Variants in CUL5 observed in about 807,000 individuals in gnomAD.
CUL5 encodes cullin-5.
A neutral mutation model predicts 108.8 loss-of-function variants in CUL5; 26 were observed. The observed-to-expected ratio is 0.24, with a 90% CI of 0.18 to 0.33. The LOEUF (loss-of-function observed/expected upper bound fraction) is 0.33, where lower values mean the gene tolerates loss of function less well. Among genes scored for constraint, CUL5 ranks in the 10% least tolerant of loss-of-function variants. The pLI, the probability that CUL5 is intolerant of heterozygous loss-of-function variation, is 1.00. For synonymous variants in CUL5, 334 were observed against 298.0 expected, an observed-to-expected ratio of 1.12 and a Z score of -1.25; for missense variants, 524 against 909.2, an observed-to-expected ratio of 0.58 and a Z score of 5.45.
intron 8 of CUL5, among the ~76,000 whole-genome samples, chr11:108,070,620 A>G (rs1026381800): frequency 2.7e-4 from 2 of 7,438 alleles, no homozygotes; most frequent in Non-Finnish European, 8.8e-3. Flanking sequence ...AAGATTTCTA[A>G]AGGATTTTTT....
rs1007125453 is a variant in CUL5 at position 108,098,008 on chromosome 11, C to T, written c.2024+254C>T. On this transcript the variant is annotated intron_variant, in intron 17 of 18. Transcript: ENST00000393094. ...TCTTTCAGGTTGATATCTTTTTGTG[C>T]TCTAAAGCAACTTTATTCAGAGAAA... Among the ~76,000 whole-genome samples, 77 of 152,086 alleles carry T rather than the reference C, an allele frequency of 5.1e-4. 3 individuals are homozygous for T. Among genetic ancestry groups the T allele is most frequent in the Non-Finnish European group, 2.9e-5 (2 of 68,002 alleles).
At chr11:108,046,827 A>G (rs138797087) in intron 3 of CUL5, among the ~76,000 whole-genome samples, 1 of 152,340 alleles carries the variant, frequency 6.6e-6, no homozygotes, top group African/African-American at 2.4e-5. Flanking sequence ...GCTGTTATGT[A>G]TAAATCAAAA....
intron 13 of CUL5, among the ~76,000 whole-genome samples, chr11:108,090,186 T>G (rs1244271445): frequency 6.6e-6 from 1 of 151,838 alleles, no homozygotes. Context: ...AAACTGACCT[T>G]ATTAATAAAT....
intron 7 of CUL5, among the ~76,000 whole-genome samples, chr11:108,058,187 C>T (rs182770379): frequency 1.3e-4 from 15 of 112,730 alleles, no homozygotes; most frequent in African/African-American, 3.1e-4. Flanking sequence ...CCAGCCTGGG[C>T]GATAGAGCAA....
chr11:108,080,953 ATTATTTATTTATTTAT>A (rs140725296), intron 11 of CUL5, among the ~76,000 whole-genome samples: 2,859 of 148,812 alleles, frequency 0.019, 53 homozygotes, highest in Non-Finnish European at 0.024. Context: ...AAGATTTATC[ATTATTTATTTATTTAT>A]TTATTTATTT....
chr11:108,009,022 G>A lies in CUL5; in HGVS notation c.-327G>A. 2.5e-6 allele frequency: 1 copy of A among 402,112 alleles called. No individual in the cohort carries two copies. Among genetic ancestry groups the A allele is most frequent in the Non-Finnish European group, 4.5e-6 (1 of 222,234 alleles). The allele number at this position is 402,112 out of a possible 1,614,324, so 24.9% of individuals were successfully genotyped here. ...CCACAAAGGCTAATCCGAAGGAGTC[G>A]GGGAGGCTCGTGGAGTCGATGCTTC... On this transcript the variant is annotated 5_prime_UTR_variant, in exon 1 of 19. Coordinates refer to ENST00000393094, the MANE Select transcript of CUL5 (RefSeq NM_003478.6).
chr11:108,067,273 C>G (rs916672283), intron 7 of CUL5, among the ~76,000 whole-genome samples: 2 of 152,190 alleles, frequency 1.3e-5, no homozygotes, highest in Non-Finnish European at 2.9e-5. Flanking sequence ...TTTAACCTCT[C>G]AAGCTAGAAA....
intron 7 of CUL5, among the ~76,000 whole-genome samples, chr11:108,069,599 T>G (rs1863772441): frequency 6.6e-6 from 1 of 152,164 alleles, no homozygotes; most frequent in Non-Finnish European, 1.5e-5. Flanking sequence ...CTGAGTTATA[T>G]TTAGTTAGCA....
intron 16 of CUL5, among the ~76,000 whole-genome samples, chr11:108,096,853 A>G (rs993420889): frequency 6.6e-6 from 1 of 152,082 alleles, no homozygotes; most frequent in Non-Finnish European, 1.5e-5. Context: ...GGCCTGAGCT[A>G]CTGTGCCTCA....
chr11:108,070,006 TGTTGAACAATA>T, intron 7 of CUL5, 79 bp from the exon 8 acceptor site: 6 of 767,548 alleles, frequency 7.8e-6, no homozygotes, highest in African/African-American at 3.5e-5. Context: ...ATTTTTTTTT[TGTTGAACAATA>T]TTGTTTTATT....
chr11:108,044,573 T>C (rs1182548238), intron 2 of CUL5, among the ~76,000 whole-genome samples: 1 of 151,956 alleles, frequency 6.6e-6, no homozygotes, highest in East Asian at 1.9e-4. Flanking sequence ...GGAGTTGTTT[T>C]ATTTGGATTT....
At chr11:108,084,544 T>A (rs996690196) in intron 11 of CUL5, among the ~76,000 whole-genome samples, 1 of 152,258 alleles carries the variant, frequency 6.6e-6, no homozygotes, top group Non-Finnish European at 1.5e-5. Flanking sequence ...TAGCAAAGGA[T>A]GAACCCATTC....
chr11:108,082,536 C>T (rs181371136), intron 11 of CUL5, among the ~76,000 whole-genome samples: 37 of 152,268 alleles, frequency 2.4e-4, no homozygotes, highest in African/African-American at 8.4e-4. Flanking sequence ...CTTAGCCCCT[C>T]AAAGTGCTAG....
intron 7 of CUL5, among the ~76,000 whole-genome samples, chr11:108,058,532 G>A (rs1863455940): frequency 6.6e-6 from 1 of 151,264 alleles, no homozygotes; most frequent in Non-Finnish European, 1.5e-5. Context: ...ACAGACGTGA[G>A]CCACTGCACC....
intron 1 of CUL5, among the ~76,000 whole-genome samples, chr11:108,010,631 A>G (rs893157555): frequency 1.3e-5 from 2 of 152,244 alleles, no homozygotes; most frequent in African/African-American, 2.4e-5. Context: ...ATTAGTTAAT[A>G]TATCTATAAT....
intron 18 of CUL5, among the ~76,000 whole-genome samples, chr11:108,101,689 ATACTGTGC>A (rs1323844102): frequency 6.6e-6 from 1 of 152,178 alleles, no homozygotes; most frequent in South Asian, 2.1e-4. Context: ...TATTTCCCTC[ATACTGTGC>A]TACTCTTTAA....
intron 1 of CUL5, among the ~76,000 whole-genome samples, chr11:108,026,551 T>C (rs1862455780): frequency 6.6e-6 from 1 of 152,178 alleles, no homozygotes; most frequent in Admixed American, 6.5e-5. Context: ...AGTCACTTCC[T>C]CCACATATGC....
At chr11:108,084,057 T>C (rs181764154) in intron 11 of CUL5, among the ~76,000 whole-genome samples, 5 of 152,328 alleles carry the variant, frequency 3.3e-5, no homozygotes, top group Admixed American at 1.3e-4. Flanking sequence ...AGACAGTCCT[T>C]CTTCCAGTGT....
chr11:108,087,987 G>A (rs1306938094), intron 11 of CUL5, among the ~76,000 whole-genome samples: 2 of 151,528 alleles, frequency 1.3e-5, no homozygotes. Context: ...AAAAAAATTT[G>A]TATCAGGAAA....
Sources: allele counts gnomAD v4.1 joint callset (sites outside exome capture counted in the v4.1 genomes callset), GRCh38; gene constraint gnomAD v4.1.1; transcripts MANE v1.5; gene names NCBI Gene and HGNC (gene_info 2026-07-23, HGNC 2026-07-21).